CCDC28B: variants seen among roughly 807,000 people sequenced by gnomAD.
CCDC28B encodes the protein coiled-coil domain-containing protein 28B.
A neutral mutation model predicts 18.7 loss-of-function variants in CCDC28B; 17 were observed. The ratio of observed to expected loss-of-function variants is 0.91; its 90% CI spans 0.62 to 1.36. CCDC28B has a LOEUF of 1.36. Among genes scored for constraint, CCDC28B ranks in the 40% most tolerant of loss-of-function variants. The pLI is 0.00. For synonymous variants in CCDC28B, 116 were observed against 105.1 expected (o/e 1.10, Z -0.64); for missense variants, 213 against 251.7 (o/e 0.85, Z 1.04).
chr1:32,197,143 GGC>G (rs1286479108), upstream of CCDC28B: 1 of 152,402 alleles, frequency 6.6e-6, no homozygotes, highest in Non-Finnish European at 1.5e-5. This position sits in a 1 kb window ranked among gnomAD's most constrained non-coding sequence, Gnocchi z 4.6. Context: ...CCCTGTGCCA[GGC>G]TAAGCTGGTA....
chr1:32,203,805 C>T, intron 2 of CCDC28B, 74 bp from the exon 3 acceptor site: 3 of 1,212,142 alleles, frequency 2.5e-6, no homozygotes. Context: ...GGTGCATAGG[C>T]AGATGGCACA....
chr1:32,199,262 A>G (rs571514756), upstream of CCDC28B, among the ~76,000 whole-genome samples: 2 of 152,166 alleles, frequency 1.3e-5, no homozygotes, highest in Admixed American at 1.3e-4. Context: ...TGTGCCCACA[A>G]TGACTGTGAC....
upstream of CCDC28B, chr1:32,200,533 A>T (rs1207818910): frequency 6.6e-6 from 1 of 152,236 alleles, no homozygotes; most frequent in Non-Finnish European, 1.5e-5. Flanking sequence ...ACTGCTTAGC[A>T]TACGCGGGGA....
chr1:32,204,215 C>A lies in CCDC28B; in HGVS notation c.361C>A (p.His121Asn), dbSNP rs752698985. 1.2e-6 allele frequency: 2 copies of A among 1,614,060 alleles called. No homozygotes were observed. Among genetic ancestry groups the A allele is most frequent in the East Asian group, 2.2e-5 (1 of 44,864 alleles). Residue 121 changes from histidine (H) to asparagine (N), a missense_variant, in exon 4 of 6, where the codon CAC becomes AAC. His to Asn is a moderately conservative substitution (Grantham distance 68). Coordinates refer to ENST00000373602, the MANE Select transcript of CCDC28B (RefSeq NM_024296.5). ...GKECSFEQLE[H>N]VREMQEKLAR... ...GGAATGCTCCTTTGAGCAGCTGGAG[C>A]ACGTTCGGGAGATGCAGGAGAAGCT...
chr1:32,196,934 C>T (rs1052937968), upstream of CCDC28B: 1 of 152,258 alleles, frequency 6.6e-6, no homozygotes, highest in Non-Finnish European at 1.5e-5. Context: ...ATCAGAGTTG[C>T]CTGCTATTCT....
In CCDC28B at chr1:32,204,736, G is replaced by C. The variant is rs555300431; in HGVS notation, c.548+116G>C. 2.4e-5 allele frequency: 38 copies of C among 1,613,878 alleles called. No individual in the cohort carries two copies. In the East Asian group the frequency reaches 3.8e-4, roughly 16 times the overall value. On this transcript the variant is annotated intron_variant, in intron 5 of 5. Coordinates refer to ENST00000373602, the MANE Select transcript of CCDC28B (RefSeq NM_024296.5). ...CAACTTCCCCACCTCTTGCAGTCCT[G>C]TCAGATTTAGCCACAGACTGCCCAA...
intron 2 of CCDC28B, among the ~76,000 whole-genome samples, chr1:32,203,632 C>T (rs1643210691): frequency 6.6e-6 from 1 of 152,094 alleles, no homozygotes; most frequent in Admixed American, 6.5e-5. Flanking sequence ...CCAGGGACCC[C>T]CTTTCAGGCA....
At chr1:32,203,765 G>A (rs1459113245) in intron 2 of CCDC28B, 114 bp from the exon 3 acceptor site, 19 of 772,126 alleles carry the variant, frequency 2.5e-5, no homozygotes, top group Non-Finnish European at 3.6e-5. Flanking sequence ...TAGATGGGCA[G>A]ATGAGTTAGT....
chr1:32,196,656 G>T (rs1237989579), upstream of CCDC28B: 1 of 152,194 alleles, frequency 6.6e-6, no homozygotes, highest in Non-Finnish European at 1.5e-5. Flanking sequence ...GCAGTTTTCT[G>T]GGACAACAGA....
At position 32,201,773 on chromosome 1, in the gene CCDC28B, A is replaced by C. The variant is rs946405048; in HGVS notation, c.-23-140A>C. 7.4e-6 allele frequency: 5 copies of C among 675,242 alleles called. No individual in the cohort carries two copies. The African/African-American group carries it at 9.1e-5, about 12-fold the overall frequency. 41.8% of individuals were successfully genotyped at this position (675,242 alleles called of 1,614,324 possible). On this transcript the variant is annotated intron_variant, in intron 1 of 5. Transcript: ENST00000373602. ...CACGATCCCAGCAGCAGACACTGGC[A>C]TCTGGCTCTGCCCCTACCGTATAGA... is the stretch of plus-strand genomic sequence containing the variant.
At position 32,204,578 on chromosome 1, in the gene CCDC28B, C is replaced by T. The variant is rs1473001899; in HGVS notation, c.526-20C>T. ...GGTTCCCCTCCTAACAGAAGCCTCC[C>T]TTTTTCTCTTTGTTGGCAGCTGGAA... On this transcript the variant is annotated intron_variant, in intron 4 of 5. Transcript: ENST00000373602. The T allele has an allele frequency of 1.9e-6, 3 of 1,554,512 alleles. No homozygotes were observed. In the African/African-American group the frequency reaches 4.1e-5, roughly 21 times the overall value.
In CCDC28B at chr1:32,205,329, C is replaced by T; in HGVS notation, c.*81C>T. The stretch of plus-strand genomic sequence containing the variant: ...ACAGACTCGGGCGGGTGTTCTGCGG[C>T]CCCCCAGGTGCTATGGGGGAGGGGG... On this transcript the variant is annotated 3_prime_UTR_variant, in exon 6 of 6. Transcript: ENST00000373602. This position sits in a 1 kb window ranked among gnomAD's most constrained non-coding sequence, Gnocchi z 5.6. The T allele has an allele frequency of 7.1e-7, 1 of 1,404,800 alleles. No individual in the cohort carries two copies. The highest frequency in any genetic ancestry group is 1.4e-5 in the African/African-American group (1 of 69,528). The allele number at this position is 1,404,800 out of a possible 1,614,324, so 87.0% of individuals were successfully genotyped here. A position where few individuals can be genotyped will look rare whatever the true frequency, so the allele number is the denominator to read the frequency against.
chr1:32,196,423 CT>C, upstream of CCDC28B: 1 of 152,236 alleles, frequency 6.6e-6, no homozygotes, highest in East Asian at 1.9e-4. Flanking sequence ...GATTCTACTT[CT>C]TCCTGTGTGG....
chr1:32,200,005 T>TG (rs1430250673), upstream of CCDC28B, among the ~76,000 whole-genome samples: 1 of 152,110 alleles, frequency 6.6e-6, no homozygotes, highest in East Asian at 1.9e-4. Flanking sequence ...TATGACCTGG[T>TG]GCTCCCCACA....
chr1:32,201,707 G>A (rs1643150669), intron 1 of CCDC28B: 1 of 408,278 alleles, frequency 2.4e-6, no homozygotes, highest in Non-Finnish European at 4.3e-6. Context: ...AGGCAGAAGG[G>A]GAATTAGGTT....
upstream of CCDC28B, chr1:32,198,004 C>G (rs1220436069): frequency 1.3e-5 from 2 of 152,458 alleles, no homozygotes; most frequent in Admixed American, 1.3e-4. Context: ...AGGGCCAAGG[C>G]CTGCTGAGCT....
upstream of CCDC28B, chr1:32,196,614 C>T (rs1463528638): frequency 1.3e-5 from 2 of 152,252 alleles, no homozygotes; most frequent in African/African-American, 2.4e-5. Context: ...CTGTTGCAAA[C>T]TTGCCAGGGT....
chr1:32,204,711 C>A, intron 5 of CCDC28B, 91 bp downstream of exon 5: 1 of 1,614,098 alleles, frequency 6.2e-7, no homozygotes, highest in East Asian at 2.2e-5. Flanking sequence ...CACACACAAC[C>A]AACTTCCCCA....
chr1:32,205,240 G>T lies in CCDC28B; in HGVS notation c.595G>T (p.Ala199Ser). 1 of 1,613,134 alleles carries T rather than the reference G, an allele frequency of 6.2e-7. No homozygotes were observed. The highest frequency in any genetic ancestry group is 8.5e-7 in the Non-Finnish European group (1 of 1,179,448). The change falls in exon 6 of 6, where the codon GCT becomes TCT. Residue 199 changes from alanine (A) to serine (S), a missense_variant. Physicochemically the swap from Ala to Ser is moderately conservative, Grantham distance 99. Coordinates refer to ENST00000373602, the MANE Select transcript of CCDC28B (RefSeq NM_024296.5). This position sits in a 1 kb window ranked among gnomAD's most constrained non-coding sequence, Gnocchi z 5.6. Reference protein sequence around the residue: ...AENAEPEEQSAA With the variant: ...AENAEPEEQSSA Reference sequence around the variant, plus strand: ...GAACGCCGAGCCTGAGGAGCAGTCCGCTGCGTAGGCGTCCCACGCAGGCCC... The same window carrying T: ...GAACGCCGAGCCTGAGGAGCAGTCCTCTGCGTAGGCGTCCCACGCAGGCCC...
Sources: allele counts gnomAD v4.1 joint callset (sites outside exome capture counted in the v4.1 genomes callset), GRCh38; gene constraint gnomAD v4.1.1; non-coding constraint Gnocchi (gnomAD v3.1); transcripts MANE v1.5; gene names NCBI Gene and HGNC (gene_info 2026-07-23, HGNC 2026-07-21).